Variants in SCAPER observed in about 807,000 individuals in gnomAD.
SCAPER encodes the protein S-phase cyclin A associated protein in the ER, also known as S phase cyclin A-associated protein in the endoplasmic reticulum.
Under a neutral mutation model 182.2 loss-of-function variants are expected in SCAPER, and 98 were observed. The ratio of observed to expected loss-of-function variants is 0.54; its 90% CI spans 0.46 to 0.64. SCAPER has a LOEUF of 0.64. Among genes scored for constraint, SCAPER ranks in the 30% least tolerant of loss-of-function variants. The pLI is 0.00. For synonymous variants in SCAPER, 605 were observed against 564.6 expected, an observed-to-expected ratio of 1.07 and a Z score of -1.01; for missense variants, 1,432 against 1,690.0, an observed-to-expected ratio of 0.85 and a Z score of 2.68.
At chr15:76,774,773 A>G in intron 9 of SCAPER, 82 bp downstream of exon 9, 1 of 1,400,954 alleles carries the variant, frequency 7.1e-7, no homozygotes, top group East Asian at 2.4e-5. Context: ...TAAAAAATGA[A>G]GTACAAAACT....
At chr15:76,622,350 A>C (rs2052162479) in intron 21 of SCAPER, among the ~76,000 whole-genome samples, 1 of 152,162 alleles carries the variant, frequency 6.6e-6, no homozygotes, top group African/African-American at 2.4e-5. Context: ...GTTGTCAAAG[A>C]ATTCATCCAG....
intron 22 of SCAPER, among the ~76,000 whole-genome samples, chr15:76,579,642 A>T (rs2145477330): frequency 6.6e-6 from 1 of 152,268 alleles, no homozygotes; most frequent in South Asian, 2.1e-4. Flanking sequence ...ACCACAAAAT[A>T]ACCAGAAAAC....
chr15:76,795,480 A>G, intron 7 of SCAPER, 40 bp from the exon 8 acceptor site: 6 of 1,385,598 alleles, frequency 4.3e-6, no homozygotes, highest in Non-Finnish European at 5.7e-6. Context: ...ATTAAATATA[A>G]AAGAAAAACT....
chr15:76,507,518 T>C (rs1597095391), intron 23 of SCAPER, among the ~76,000 whole-genome samples: 1 of 152,200 alleles, frequency 6.6e-6, no homozygotes, highest in East Asian at 1.9e-4. Context: ...TACTGAGGTT[T>C]TTTTTGAAAA....
intron 21 of SCAPER, among the ~76,000 whole-genome samples, chr15:76,662,532 T>C (rs28886726): frequency 0.092 from 13,986 of 152,114 alleles, 793 homozygotes; most frequent in African/African-American, 0.15. Context: ...AGTTTAAAGA[T>C]AAATTTATCA....
intron 24 of SCAPER, among the ~76,000 whole-genome samples, chr15:76,478,711 C>A (rs2050855266): frequency 6.6e-6 from 1 of 152,108 alleles, no homozygotes; most frequent in Non-Finnish European, 1.5e-5. Flanking sequence ...GAAATGCCAT[C>A]TTTATCAGAC....
chr15:76,582,948 A>G (rs1056903587), intron 22 of SCAPER, among the ~76,000 whole-genome samples: 12 of 152,226 alleles, frequency 7.9e-5, no homozygotes, highest in Non-Finnish European at 1.5e-5. Context: ...CTTGTCATAT[A>G]CAAAAGTCAA....
At chr15:76,661,860 T>C (rs2056202671) in intron 21 of SCAPER, among the ~76,000 whole-genome samples, 1 of 152,206 alleles carries the variant, frequency 6.6e-6, no homozygotes, top group Admixed American at 6.5e-5. Flanking sequence ...TAAATCATTG[T>C]ATTATAAAGA....
chr15:76,717,149 A>G (rs1438496337), intron 17 of SCAPER, among the ~76,000 whole-genome samples: 1 of 151,766 alleles, frequency 6.6e-6, no homozygotes, highest in Non-Finnish European at 1.5e-5. Context: ...AGGGAAAAAA[A>G]AAAAAAAAAA....
chr15:76,665,684 C>CTT lies in SCAPER; in HGVS notation c.2612_2613dup (p.Ala872LysfsTer5). The CTT allele has an allele frequency of 6.3e-7, 1 of 1,583,250 alleles. No individual in the cohort carries two copies. Among genetic ancestry groups the CTT allele is most frequent in the Non-Finnish European group, 8.6e-7 (1 of 1,165,364 alleles). ...TTCATCCGGGCTTTTATCTTTTTGG[C>CTT]TTTTTTTTTATTTTTTTGCCGCTCT... On this transcript the variant is annotated frameshift_variant, in exon 21 of 32. Transcript: ENST00000563290. LOFTEE classifies it high-confidence loss of function.
Position 76,558,080 on chromosome 15 carries a change from T to C in SCAPER, c.2838+16078A>G, listed in dbSNP as rs559786391. ...AACCTAGGACATACCCTTCTGGACA[T>C]AGACCCTGGCAAAGATTTCACAACT... On this transcript the variant is annotated intron_variant, in intron 23 of 31. Transcript: ENST00000563290. Among the ~76,000 whole-genome samples the C allele has an allele frequency of 8.5e-5, 13 of 152,316 alleles. No homozygotes were observed. The South Asian group carries it at 1.4e-3, about 17-fold the overall frequency.
intron 26 of SCAPER, 98 bp downstream of exon 26, chr15:76,433,980 T>G: frequency 1.0e-6 from 1 of 977,946 alleles, no homozygotes; most frequent in Non-Finnish European, 1.5e-6. Context: ...TGAATGGCAT[T>G]GTGAGAACCA....
intron 17 of SCAPER, among the ~76,000 whole-genome samples, chr15:76,726,217 G>A (rs1038349515): frequency 7.3e-6 from 1 of 137,280 alleles, no homozygotes; most frequent in Non-Finnish European, 1.5e-5. Context: ...GACCTAAGTG[G>A]TAACCTGTCC....
chr15:76,585,443 G>A (rs537668851), intron 22 of SCAPER, among the ~76,000 whole-genome samples: 8 of 152,148 alleles, frequency 5.3e-5, no homozygotes, highest in Non-Finnish European at 1.2e-4. Context: ...TATTGGCAGT[G>A]AACTTCACTG....
intron 5 of SCAPER, among the ~76,000 whole-genome samples, chr15:76,830,362 T>C (rs1051236214): frequency 7.2e-5 from 11 of 152,126 alleles, no homozygotes; most frequent in African/African-American, 2.7e-4. Context: ...AGAGACATAT[T>C]TGTCATTTTC....
At chr15:76,870,965 T>G (rs1371697642) in intron 2 of SCAPER, among the ~76,000 whole-genome samples, 1 of 151,954 alleles carries the variant, frequency 6.6e-6, no homozygotes, top group Non-Finnish European at 1.5e-5. Context: ...ACAAAAAACC[T>G]TAGAAGTAGT....
intron 5 of SCAPER, among the ~76,000 whole-genome samples, chr15:76,820,903 TGCAG>T (rs1598919003): frequency 6.6e-6 from 1 of 151,984 alleles, no homozygotes; most frequent in East Asian, 1.9e-4. Flanking sequence ...ATCAGGGAAA[TGCAG>T]ATTAAAGTAA....
intron 21 of SCAPER, among the ~76,000 whole-genome samples, chr15:76,629,159 C>T (rs1035905700): frequency 2.0e-5 from 3 of 152,210 alleles, no homozygotes; most frequent in Non-Finnish European, 4.4e-5. Context: ...AGCTTTTGGG[C>T]TGAGACAATG....
At chr15:76,459,743 T>C (rs2049013527) in intron 25 of SCAPER, among the ~76,000 whole-genome samples, 1 of 152,208 alleles carries the variant, frequency 6.6e-6, no homozygotes, top group Admixed American at 6.5e-5. Flanking sequence ...ATAAAATCTT[T>C]GCCTAGACTA....
Sources: allele counts gnomAD v4.1 joint callset (sites outside exome capture counted in the v4.1 genomes callset), GRCh38; gene constraint gnomAD v4.1.1; transcripts MANE v1.5; gene names NCBI Gene and HGNC (gene_info 2026-07-23, HGNC 2026-07-21).